Variants in TPRG1 observed in about 807,000 individuals in gnomAD.
TPRG1 encodes the protein tumor protein p63 regulated 1.
A neutral mutation model predicts 29.3 loss-of-function variants in TPRG1; 29 were observed. The observed-to-expected ratio is 0.99, with a 90% CI of 0.74 to 1.35. The LOEUF (loss-of-function observed/expected upper bound fraction) is 1.35. Ranked by LOEUF, TPRG1 falls within the 40% of genes most tolerant of loss-of-function variation. The pLI is 0.00. For synonymous variants in TPRG1, 130 were observed against 116.8 expected, an observed-to-expected ratio of 1.11 and a Z score of -0.73; for missense variants, 327 against 335.0, an observed-to-expected ratio of 0.98 and a Z score of 0.19.
chr3:189,284,378 T>C (rs1392140545), intron 4 of TPRG1, among the ~76,000 whole-genome samples: 1 of 88,530 alleles, frequency 1.1e-5, no homozygotes. Flanking sequence ...CAACAGGCCC[T>C]GGTACGTGAT....
rs139935195 is a variant in TPRG1, at chr3:189,228,144, C to T, written c.303-10589C>T. On this transcript the variant is annotated intron_variant, in intron 3 of 5. Coordinates refer to ENST00000345063, the MANE Select transcript of TPRG1 (RefSeq NM_198485.4). ...TCAACAACAACAGCAATAGCAACAACGACGACAACAACAATTCCTCTAAAA... is the reference window on the plus strand; with the variant it reads ...TCAACAACAACAGCAATAGCAACAATGACGACAACAACAATTCCTCTAAAA... 3.2e-3 allele frequency among the ~76,000 whole-genome samples: 485 copies of T among 152,182 alleles called. 4 individuals carry two copies. Among genetic ancestry groups the T allele is most frequent in the African/African-American group, 0.011 (461 of 41,522 alleles).
chr3:189,056,534 A>C (rs1185696252), intron 4 of TPRG1, among the ~76,000 whole-genome samples: 1 of 152,202 alleles, frequency 6.6e-6, no homozygotes, highest in Non-Finnish European at 1.5e-5. Context: ...TCTCCCTGCC[A>C]ATCAAAGTAA....
chr3:189,151,404 C>A (rs1301493978), intron 5 of TPRG1, among the ~76,000 whole-genome samples: 1 of 152,140 alleles, frequency 6.6e-6, no homozygotes, highest in Non-Finnish European at 1.5e-5. Flanking sequence ...TTTGGAGACA[C>A]AAATTTGACC....
chr3:189,065,243 C>T (rs1716362009), intron 4 of TPRG1, among the ~76,000 whole-genome samples: 1 of 151,864 alleles, frequency 6.6e-6, no homozygotes, highest in South Asian at 2.1e-4. Flanking sequence ...TAATACCAAA[C>T]ATTTAAAGGA....
chr3:189,136,546 A>T (rs1012980412), intron 3 of TPRG1, among the ~76,000 whole-genome samples: 3 of 152,080 alleles, frequency 2.0e-5, no homozygotes, highest in African/African-American at 7.2e-5. Context: ...CTTGCTAAAG[A>T]CTCCTGGCTT....
At chr3:189,194,226 A>G (rs527939247) in intron 1 of TPRG1, among the ~76,000 whole-genome samples, 2 of 152,250 alleles carry the variant, frequency 1.3e-5, no homozygotes, top group South Asian at 4.2e-4. Context: ...CCTAGGCTGT[A>G]GAAGCCTGTG....
rs2108509938 is a variant in TPRG1 at position 189,323,344 on chromosome 3, T to G, written c.*2524T>G. 6.6e-6 allele frequency: 1 copy of G among 152,260 alleles called. No individual in the cohort carries two copies. Among genetic ancestry groups the G allele is most frequent in the South Asian group, 2.1e-4 (1 of 4,826 alleles). The allele number at this position is 152,260 out of a possible 1,614,324, so 9.4% of individuals were successfully genotyped here. ...TCAATCATGGGAGACCCTGAAAAAT[T>G]TCCTTACCTTTCCTAAGGTTTAATT... On this transcript the variant is annotated 3_prime_UTR_variant, in exon 6 of 6. Transcript: ENST00000345063.
At position 189,208,775 on chromosome 3, in the gene TPRG1, G is replaced by A. The variant is rs79936100; in HGVS notation, c.210+1181G>A. Among the ~76,000 whole-genome samples, 1,011 of 152,314 alleles carry A rather than the reference G, an allele frequency of 6.6e-3. 13 individuals are homozygous for A. The highest frequency in any genetic ancestry group is 0.023 in the African/African-American group (964 of 41,568). On this transcript the variant is annotated intron_variant, in intron 2 of 5. Transcript: ENST00000345063. ...TGATATAGCTGCAAAGGAAATCAAA[G>A]CATCTCTTGGAGTTGTGCTATCTTT...
At chr3:189,245,734 G>A (rs986314483) in intron 4 of TPRG1, among the ~76,000 whole-genome samples, 4 of 151,896 alleles carry the variant, frequency 2.6e-5, no homozygotes, top group Admixed American at 6.6e-5. Flanking sequence ...CTGATTTTTT[G>A]TGTAGTTTTT....
intron 4 of TPRG1, among the ~76,000 whole-genome samples, chr3:189,074,906 G>A (rs556237018): frequency 6.6e-6 from 1 of 151,676 alleles, no homozygotes; most frequent in South Asian, 2.1e-4. Context: ...CCGCCTCCCG[G>A]GTTCCCGCCA....
intron 4 of TPRG1, among the ~76,000 whole-genome samples, chr3:189,298,554 A>T (rs1720320948): frequency 6.6e-6 from 1 of 152,208 alleles, no homozygotes; most frequent in Non-Finnish European, 1.5e-5. Flanking sequence ...ATTACATAAA[A>T]GTACTTCATC....
At chr3:189,004,419 CT>C (rs1168377554) in intron 2 of TPRG1, 1 of 152,116 alleles carries the variant, frequency 6.6e-6, no homozygotes, top group East Asian at 1.9e-4. Flanking sequence ...TTATTTCCCC[CT>C]GTTTACATGA....
intron 1 of TPRG1, among the ~76,000 whole-genome samples, chr3:189,185,884 A>C (rs994312404): frequency 6.6e-6 from 1 of 152,178 alleles, no homozygotes; most frequent in African/African-American, 2.4e-5. Flanking sequence ...ACTTTTTCAC[A>C]AAGCATTATT....
intron 5 of TPRG1, among the ~76,000 whole-genome samples, chr3:189,156,328 C>T (rs1180384182): frequency 2.0e-5 from 3 of 151,164 alleles, no homozygotes; most frequent in Non-Finnish European, 4.4e-5. Context: ...CACAGCCCTA[C>T]AGATGCCTGA....
At chr3:189,094,148 AGAT>A (rs1380088828) in intron 4 of TPRG1, among the ~76,000 whole-genome samples, 1 of 152,190 alleles carries the variant, frequency 6.6e-6, no homozygotes, top group Non-Finnish European at 1.5e-5. Context: ...AGGGACCATC[AGAT>A]GAGTCCTAAA....
At chr3:189,266,480 G>A (rs1460323570) in intron 4 of TPRG1, among the ~76,000 whole-genome samples, 1 of 152,146 alleles carries the variant, frequency 6.6e-6, no homozygotes, top group Admixed American at 6.5e-5. Context: ...CTAACGGAGA[G>A]CTGGAGCCAG....
intron 1 of TPRG1, among the ~76,000 whole-genome samples, chr3:189,184,954 G>A (rs901476385): frequency 1.3e-5 from 2 of 152,222 alleles, no homozygotes; most frequent in African/African-American, 4.8e-5. Flanking sequence ...TGGCGTGCGT[G>A]TATTGTTTCA....
At chr3:189,176,266 GAC>G (rs1729476567) in intron 1 of TPRG1, among the ~76,000 whole-genome samples, 1 of 152,176 alleles carries the variant, frequency 6.6e-6, no homozygotes, top group African/African-American at 2.4e-5. Flanking sequence ...TAGGTGATGT[GAC>G]ACAGAGTAAA....
Position 189,018,407 on chromosome 3 carries a change from A to G in TPRG1, c.-659-5343A>G, listed in dbSNP as rs1156240674. On this transcript the variant is annotated intron_variant, in intron 3 of 10. Coordinates refer to the TPRG1 transcript ENST00000433971. ...TAATCCATCTTGAATTGATTTTTGT[A>G]TAAGGTGTAAGGAAGGAATCCAGTT... 1.5e-3 allele frequency among the ~76,000 whole-genome samples: 222 copies of G among 147,858 alleles called. 1 individual carries two copies. The highest frequency in any genetic ancestry group is 3.4e-3 in the Middle Eastern group (1 of 292).
Sources: allele counts gnomAD v4.1 joint callset (sites outside exome capture counted in the v4.1 genomes callset), GRCh38; gene constraint gnomAD v4.1.1; transcripts MANE v1.5; gene names NCBI Gene and HGNC (gene_info 2026-07-23, HGNC 2026-07-21).